The following REEP1 variants were observed in gnomAD, a reference collection of about 807,000 sequenced individuals.
REEP1 encodes the protein receptor accessory protein 1.
In REEP1, 22 loss-of-function variants were observed where a neutral mutation model predicts 40.3. The ratio of observed to expected loss-of-function variants is 0.55; its 90% CI spans 0.39 to 0.78. The LOEUF (loss-of-function observed/expected upper bound fraction) is 0.78. Among genes scored for constraint, REEP1 ranks in the 30% least tolerant of loss-of-function variants. The probability of loss-of-function intolerance (pLI) is 0.00; values close to 1 mark genes in which losing one functional copy is unlikely to be tolerated. For missense variants in REEP1, 280 were observed against 361.1 expected (o/e 0.78, Z 1.82); for synonymous variants, 116 against 139.2 (o/e 0.83, Z 1.17).
chr2:86,263,472 C>G (rs1676969824), intron 3 of REEP1, among the ~76,000 whole-genome samples: 1 of 152,116 alleles, frequency 6.6e-6, no homozygotes, highest in Non-Finnish European at 1.5e-5. Context: ...ATCCTGACCT[C>G]AGGTGATCCA....
chr2:86,219,360 A>G (rs939784682), intron 8 of REEP1, among the ~76,000 whole-genome samples: 23 of 152,186 alleles, frequency 1.5e-4, no homozygotes, highest in African/African-American at 5.6e-4. Context: ...TTGTACGTCA[A>G]CTTAGAGTGG....
chr2:86,287,968 T>C (rs1447866912), intron 1 of REEP1, among the ~76,000 whole-genome samples: 1 of 152,216 alleles, frequency 6.6e-6, no homozygotes, highest in African/African-American at 2.4e-5. Flanking sequence ...GTTTTTGAAA[T>C]TCAATCCATG....
chr2:86,249,419 G>T (rs1488395172), intron 5 of REEP1, among the ~76,000 whole-genome samples: 1 of 152,146 alleles, frequency 6.6e-6, no homozygotes, highest in African/African-American at 2.4e-5. Flanking sequence ...TTCCAAGGAG[G>T]TGAATCTGCA....
At chr2:86,248,124 G>A (rs879507705) in intron 5 of REEP1, among the ~76,000 whole-genome samples, 10 of 152,156 alleles carry the variant, frequency 6.6e-5, no homozygotes, top group Non-Finnish European at 1.5e-4. Flanking sequence ...TCATCCCATC[G>A]TTTTATCCCA....
intron 2 of REEP1, among the ~76,000 whole-genome samples, chr2:86,266,586 T>A (rs1393630217): frequency 6.6e-6 from 1 of 150,456 alleles, no homozygotes; most frequent in African/African-American, 2.4e-5. Flanking sequence ...GCCACTGCAG[T>A]CCGCAGTCCG....
intron 5 of REEP1, among the ~76,000 whole-genome samples, chr2:86,239,555 T>C (rs1328311338): frequency 6.6e-6 from 1 of 152,178 alleles, no homozygotes; most frequent in Non-Finnish European, 1.5e-5. Flanking sequence ...CCAAACCCCA[T>C]GGGGTGCCCG....
intron 1 of REEP1, among the ~76,000 whole-genome samples, chr2:86,332,025 C>A (rs1863051): frequency 0.6 from 90,882 of 151,938 alleles, 27,741 homozygotes; most frequent in African/African-American, 0.73. Context: ...ACTGTGTGCC[C>A]AATAGTTGGT....
chr2:86,226,332 C>G (rs566315437), intron 7 of REEP1, among the ~76,000 whole-genome samples: 96 of 152,102 alleles, frequency 6.3e-4, no homozygotes, highest in African/African-American at 2.0e-3. Context: ...AGGAACAGGG[C>G]TCCCTTGGCT....
At chr2:86,247,189 A>C (rs918253125) in intron 5 of REEP1, among the ~76,000 whole-genome samples, 1 of 152,138 alleles carries the variant, frequency 6.6e-6, no homozygotes, top group African/African-American at 2.4e-5. Context: ...AGAGACTAGG[A>C]ATGCTGAGAC....
At chr2:86,255,521 C>T (rs576248872) in intron 3 of REEP1, among the ~76,000 whole-genome samples, 1 of 152,250 alleles carries the variant, frequency 6.6e-6, no homozygotes, top group Admixed American at 6.5e-5. Flanking sequence ...ATTTGTCCCC[C>T]CACAGGCAGG....
chr2:86,337,998 G>A (rs1156845680), upstream of REEP1: 1 of 1,532,790 alleles, frequency 6.5e-7, no homozygotes, highest in Non-Finnish European at 8.7e-7. The surrounding 1 kb of genome is among the most constrained non-coding windows in gnomAD (Gnocchi z 5.8). Context: ...CATTCAGCTA[G>A]TGCGTTAGCC....
intron 1 of REEP1, among the ~76,000 whole-genome samples, chr2:86,286,365 A>C (rs1482861672): frequency 1.3e-5 from 2 of 152,172 alleles, no homozygotes; most frequent in Non-Finnish European, 2.9e-5. Context: ...ATGCTGCGAA[A>C]CATCCTATCA....
intron 2 of REEP1, among the ~76,000 whole-genome samples, chr2:86,277,893 A>G (rs1033240544): frequency 6.6e-6 from 1 of 152,366 alleles, no homozygotes; most frequent in Middle Eastern, 3.4e-3. Context: ...CAATGCATAT[A>G]GTTTCACCCA....
At chr2:86,287,593 T>C (rs1678464409) in intron 1 of REEP1, among the ~76,000 whole-genome samples, 1 of 152,248 alleles carries the variant, frequency 6.6e-6, no homozygotes, top group African/African-American at 2.4e-5. Flanking sequence ...AATCCATTTT[T>C]ATCACTTTTT....
intron 5 of REEP1, among the ~76,000 whole-genome samples, chr2:86,243,882 C>T (rs566380582): frequency 1.9e-4 from 29 of 152,278 alleles, no homozygotes; most frequent in African/African-American, 6.3e-4. Context: ...GGAAATGCTC[C>T]TCTGAGGGAT....
At chr2:86,259,523 C>A (rs989328932) in intron 3 of REEP1, among the ~76,000 whole-genome samples, 3 of 151,560 alleles carry the variant, frequency 2.0e-5, no homozygotes, top group Non-Finnish European at 4.4e-5. Flanking sequence ...ATAGCTGGGA[C>A]AACAGGTGCT....
At chr2:86,243,063 G>A (rs376329543) in intron 5 of REEP1, among the ~76,000 whole-genome samples, 80 of 152,252 alleles carry the variant, frequency 5.3e-4, no homozygotes, top group African/African-American at 1.9e-3. Context: ...AGGAACACTT[G>A]GATTGAGCCC....
chr2:86,245,006 C>T (rs932005161), intron 5 of REEP1, among the ~76,000 whole-genome samples: 4 of 152,044 alleles, frequency 2.6e-5, no homozygotes, highest in East Asian at 3.9e-4. Context: ...ACTAGCCAGG[C>T]GTGGGGGCAG....
In REEP1 at chr2:86,217,074, T is replaced by A; in HGVS notation, c.820A>T (p.Lys274Ter). 1 of 1,614,156 alleles carries A rather than the reference T, an allele frequency of 6.2e-7. No individual in the cohort carries two copies. Among genetic ancestry groups the A allele is most frequent in the Non-Finnish European group, 8.5e-7 (1 of 1,180,002 alleles). ...PRILRSRFRKKSTSSSATETT is the reference protein window; with the variant it reads ...PRILRSRFRK ...TCGGTGGCCGAGGATGAGGTACTTT[T>A]CTTCCTGAAGCGAGATCGAAGGATT... Residue 274 changes from lysine to a stop codon, truncating the protein, a stop_gained, in exon 9 of 9, where the codon AAA becomes TAA. Transcript: ENST00000538924. LOFTEE classifies it high-confidence loss of function.
Sources: allele counts gnomAD v4.1 joint callset (sites outside exome capture counted in the v4.1 genomes callset), GRCh38; gene constraint gnomAD v4.1.1; non-coding constraint Gnocchi (gnomAD v3.1); transcripts MANE v1.5; gene names NCBI Gene and HGNC (gene_info 2026-07-23, HGNC 2026-07-21).